The following ABCC11 variants were observed in gnomAD, a reference collection of about 807,000 sequenced individuals.
ABCC11 encodes the protein ATP-binding cassette sub-family C member 11.
A neutral mutation model predicts 149.3 loss-of-function variants in ABCC11; 135 were observed. The ratio of observed to expected loss-of-function variants is 0.90; its 90% CI spans 0.79 to 1.04. ABCC11 has a LOEUF of 1.04. ABCC11 is among the 50% of genes least tolerant of loss of function. ABCC11 has a pLI of 0.00. For synonymous variants in ABCC11, 665 were observed against 671.4 expected, an observed-to-expected ratio of 0.99 and a Z score of 0.15; for missense variants, 1,680 against 1,722.1, an observed-to-expected ratio of 0.98 and a Z score of 0.43.
At chr16:48,237,076 A>T (rs1970726330) in intron 1 of ABCC11, among the ~76,000 whole-genome samples, 1 of 152,206 alleles carries the variant, frequency 6.6e-6, no homozygotes, top group African/African-American at 2.4e-5. Context: ...TTAGTGTTTT[A>T]AAAATATACC....
chr16:48,246,879 T>G (rs895976453), intron 1 of ABCC11, among the ~76,000 whole-genome samples: 4 of 152,160 alleles, frequency 2.6e-5, no homozygotes, highest in Non-Finnish European at 4.4e-5. Flanking sequence ...CTTCAGGTTT[T>G]TAATTTATTT....
At chr16:48,246,671 C>T (rs981391981) in intron 1 of ABCC11, among the ~76,000 whole-genome samples, 2 of 152,144 alleles carry the variant, frequency 1.3e-5, no homozygotes, top group African/African-American at 4.8e-5. Flanking sequence ...AACTCCTGGG[C>T]TCAAGTGATC....
At chr16:48,193,199 C>A (rs890265491) in intron 19 of ABCC11, among the ~76,000 whole-genome samples, 1 of 152,182 alleles carries the variant, frequency 6.6e-6, no homozygotes. Context: ...ATGGCCAATT[C>A]CCCTCCAATG....
chr16:48,167,806 C>T, intron 28 of ABCC11, 146 bp from the exon 29 acceptor site: 1 of 922,636 alleles, frequency 1.1e-6, no homozygotes, highest in South Asian at 1.6e-5. Context: ...ATGCCGAGTG[C>T]AAAGCCCGCT....
intron 4 of ABCC11, among the ~76,000 whole-genome samples, chr16:48,225,631 G>A (rs1465479914): frequency 1.3e-5 from 2 of 152,126 alleles, no homozygotes; most frequent in East Asian, 3.8e-4. Context: ...GAGGTGATGA[G>A]TGTACTTCCT....
intron 28 of ABCC11, 23 bp downstream of exon 28, chr16:48,170,082 C>A (rs1297173844): frequency 1.9e-6 from 3 of 1,601,048 alleles, no homozygotes; most frequent in Admixed American, 3.4e-5. Flanking sequence ...CTTCCCCTGG[C>A]CACACGGCAG....
At position 48,198,034 on chromosome 16, in the gene ABCC11, T is replaced by C. The variant is rs1301620550; in HGVS notation, c.2251A>G (p.Lys751Glu). The C allele has an allele frequency of 1.2e-6, 2 of 1,614,194 alleles. No homozygotes were observed. The highest frequency in any genetic ancestry group is 3.3e-5 in the Admixed American group (2 of 60,034). The change falls in exon 17 of 30, where the codon AAG becomes GAG. Residue 751 changes from lysine to glutamate, a missense_variant. Transcript: ENST00000356608. ...AGAGCCTGACTTTCTACCTTTGGCT[T>C]CTCTGCTATCTTTGCTGTGTCCTGC... is the stretch of plus-strand genomic sequence containing the variant. ...MLQDTAKIAEKPKVESQALAT... is the reference protein window; with the variant it reads ...MLQDTAKIAEEPKVESQALAT...
chr16:48,198,108 C>T (rs756023869), intron 16 of ABCC11, 33 bp downstream of exon 16: 37 of 1,614,034 alleles, frequency 2.3e-5, no homozygotes, highest in Middle Eastern at 1.6e-4. Context: ...GTGCGTCCAC[C>T]GTGGGTAGTG....
intron 1 of ABCC11, among the ~76,000 whole-genome samples, chr16:48,237,716 T>C (rs1056715878): frequency 6.6e-6 from 1 of 152,198 alleles, no homozygotes; most frequent in Non-Finnish European, 1.5e-5. Flanking sequence ...GCCCACCTTA[T>C]TGCAACTGAA....
In ABCC11 at chr16:48,167,561, C is replaced by T. The variant is rs368759894; in HGVS notation, c.3991G>A (p.Val1331Ile). 9.7e-5 allele frequency: 156 copies of T among 1,614,052 alleles called. No homozygotes were observed. Among genetic ancestry groups the T allele is most frequent in the Non-Finnish European group, 1.2e-4 (144 of 1,180,042 alleles). ...REAFQGCTVLVIAHRVTTVLN... is the reference protein window; with the variant it reads ...REAFQGCTVLIIAHRVTTVLN... ...ACAGTGGTGACACGGTGGGCAATGA[C>T]GAGCACGGTGCAGCCCTGGAAGGCT... is the stretch of plus-strand genomic sequence containing the variant. Residue 1331 changes from valine to isoleucine, a missense_variant, in exon 29 of 30, where the codon GTC becomes ATC. Physicochemically the swap from Val to Ile is conservative, Grantham distance 29 (BLOSUM62 3). Transcript: ENST00000356608.
At chr16:48,179,987 G>C (rs975277858) in intron 23 of ABCC11, among the ~76,000 whole-genome samples, 3 of 152,240 alleles carry the variant, frequency 2.0e-5, no homozygotes, top group African/African-American at 7.2e-5. Flanking sequence ...TGATGAAATG[G>C]TGCTTAGTCT....
intron 20 of ABCC11, among the ~76,000 whole-genome samples, chr16:48,188,962 C>T (rs1157984301): frequency 6.6e-6 from 1 of 152,232 alleles, no homozygotes; most frequent in East Asian, 1.9e-4. Context: ...GAAGTGTTCT[C>T]TGTAGCTGCT....
intron 1 of ABCC11, among the ~76,000 whole-genome samples, chr16:48,242,627 CAA>C (rs1971030039): frequency 6.6e-6 from 1 of 152,124 alleles, no homozygotes; most frequent in Non-Finnish European, 1.5e-5. Context: ...TTCGCAATAG[CAA>C]AGACTTGGAA....
At chr16:48,203,154 C>G (rs1596753471) in intron 14 of ABCC11, 74 bp downstream of exon 14, 1 of 1,428,688 alleles carries the variant, frequency 7.0e-7, no homozygotes, top group East Asian at 2.5e-5. Flanking sequence ...TTCCTCCCTT[C>G]CCTGCCTGGG....
chr16:48,176,947 C>T lies in ABCC11; in HGVS notation c.3515G>A (p.Gly1172Asp), dbSNP rs778543613. Reference protein sequence around the residue: ...NLTIRGHEVVGIVGRTGSGKS... With the variant: ...NLTIRGHEVVDIVGRTGSGKS... ...ACCAGAGCCCGTCCTTCCCACGATG[C>T]CCACCACTTCGTGGCCGCGGATGGT... The change falls in exon 25 of 30, where the codon GGC becomes GAC. Residue 1172 changes from glycine to aspartate, a missense_variant. By Grantham distance (94) the Gly-to-Asp change is moderately conservative. Coordinates refer to ENST00000356608, the MANE Select transcript of ABCC11 (RefSeq NM_001370497.1). 6.2e-6 allele frequency: 10 copies of T among 1,613,832 alleles called. No individual in the cohort carries two copies. Among genetic ancestry groups the T allele is most frequent in the Admixed American group, 1.7e-5 (1 of 59,990 alleles).
intron 1 of ABCC11, among the ~76,000 whole-genome samples, chr16:48,243,091 T>C (rs1971073775): frequency 6.8e-6 from 1 of 148,082 alleles, no homozygotes; most frequent in South Asian, 2.1e-4. Flanking sequence ...AAAATAAAAG[T>C]ATCAAGGTTG....
intron 1 of ABCC11, among the ~76,000 whole-genome samples, chr16:48,241,596 A>C (rs1970973146): frequency 6.6e-6 from 1 of 152,250 alleles, no homozygotes; most frequent in South Asian, 2.1e-4. Context: ...AGACAATCGT[A>C]AGCCAAAAGA....
chr16:48,178,830 G>C, intron 23 of ABCC11, 144 bp from the exon 24 acceptor site: 1 of 697,404 alleles, frequency 1.4e-6, no homozygotes. Flanking sequence ...TGGAGCAGAG[G>C]CCCCTGGTGC....
intron 5 of ABCC11, 67 bp downstream of exon 5, chr16:48,224,215 C>G: frequency 6.5e-7 from 1 of 1,535,790 alleles, no homozygotes. Flanking sequence ...CTTGAACATG[C>G]CCGCAGTTCC....
Sources: allele counts gnomAD v4.1 joint callset (sites outside exome capture counted in the v4.1 genomes callset), GRCh38; gene constraint gnomAD v4.1.1; transcripts MANE v1.5; gene names NCBI Gene and HGNC (gene_info 2026-07-23, HGNC 2026-07-21).